Variants in GAS5 observed in about 807,000 individuals in gnomAD.
The protein encoded by GAS5 is growth arrest specific 5 (non-protein coding).
intron 6 of GAS5, chr1:173,864,489 TTAGGA>T (rs1263567682): frequency 2.0e-6 from 1 of 505,720 alleles, no homozygotes; most frequent in Non-Finnish European, 3.9e-6. Context: ...CTCACCTAGT[TTAGGA>T]TAACAGGTCT....
chr1:173,866,535 C>A, exon 3 of GAS5: 1 of 724,716 alleles, frequency 1.4e-6, no homozygotes. Context: ...CACCTGTGTG[C>A]CAATGGCTTG....
At chr1:173,864,404 TATC>T (rs746350711) in intron 6 of GAS5, 6 of 519,008 alleles carry the variant, frequency 1.2e-5, no homozygotes, top group Admixed American at 1.9e-5. Context: ...TTTACAGTGA[TATC>T]ATTATATTTC....
intron 6 of GAS5, chr1:173,865,317 T>TA (rs1486771636): frequency 6.3e-6 from 3 of 476,942 alleles, no homozygotes; most frequent in South Asian, 3.0e-5. Flanking sequence ...CAATAGGTAG[T>TA]AATAGGTGGA....
At chr1:173,864,737 C>T (rs1252179966) in intron 6 of GAS5, 3 of 500,560 alleles carry the variant, frequency 6.0e-6, no homozygotes, top group Admixed American at 4.2e-5. Flanking sequence ...AGTAAGACAA[C>T]TTGCATACAA....
chr1:173,864,806 C>G, intron 6 of GAS5: 5 of 518,838 alleles, frequency 9.6e-6, no homozygotes, highest in Non-Finnish European at 1.9e-5. Context: ...CTTTTCGGGG[C>G]ATAAACTAGA....
intron 7 of GAS5, chr1:173,863,960 C>CT (rs1654165865): frequency 2.5e-5 from 7 of 283,630 alleles, no homozygotes; most frequent in South Asian, 2.3e-4. Flanking sequence ...TGCCATGAGA[C>CT]TCCATCAGGC....
At chr1:173,867,537 G>C, upstream of GAS5, 2 of 423,892 alleles carry the variant, frequency 4.7e-6, no homozygotes, top group Non-Finnish European at 9.5e-6. Flanking sequence ...AACACTAATG[G>C]AAATATTGGT....
At chr1:173,864,426 G>GA (rs747862300) in intron 6 of GAS5, 2 of 518,858 alleles carry the variant, frequency 3.9e-6, no homozygotes, top group East Asian at 5.4e-5. Flanking sequence ...TCATTTGGCA[G>GA]AATCATTACA....
At chr1:173,867,792 C>G, upstream of GAS5, 1 of 518,944 alleles carries the variant, frequency 1.9e-6, no homozygotes, top group Non-Finnish European at 3.8e-6. Context: ...AACATAGTCG[C>G]AGCTTAGGTC....
intron 6 of GAS5, chr1:173,864,608 G>A (rs1368516652): frequency 2.6e-6 from 1 of 377,436 alleles, no homozygotes; most frequent in African/African-American, 2.1e-5. Flanking sequence ...CCCATCTACA[G>A]ATTAAGGTGT....
intron 6 of GAS5, chr1:173,864,616 T>C (rs1654270248): frequency 5.3e-6 from 2 of 378,284 alleles, no homozygotes; most frequent in African/African-American, 2.1e-5. Context: ...CAGATTAAGG[T>C]GTATATGCCA....
At chr1:173,868,741 T>C (rs1440670625), upstream of GAS5, 1 of 153,140 alleles carries the variant, frequency 6.5e-6, no homozygotes, top group Non-Finnish European at 1.5e-5. Flanking sequence ...GCCGCCCCCT[T>C]CCTAGTTCTC....
chr1:173,865,961 TGC>T (rs1327277406), intron 4 of GAS5: 1 of 519,116 alleles, frequency 1.9e-6, no homozygotes, highest in African/African-American at 1.9e-5. Context: ...AACTAACAAA[TGC>T]CTTTAGTCAG....
At chr1:173,866,155 A>G (rs986998749) in intron 4 of GAS5, 142 of 475,654 alleles carry the variant, frequency 3.0e-4, no homozygotes, top group Non-Finnish European at 6.3e-5. Flanking sequence ...TTACCTGCTT[A>G]CTTGGATACA....
At chr1:173,865,665 C>T (rs1654475263) in intron 5 of GAS5, 2 of 519,088 alleles carry the variant, frequency 3.9e-6, no homozygotes, top group Non-Finnish European at 7.7e-6. Context: ...TCAGGTCAGA[C>T]ATTTGATCAA....
intron 6 of GAS5, chr1:173,865,386 C>T (rs1557870321): frequency 1.9e-6 from 1 of 515,824 alleles, no homozygotes; most frequent in Admixed American, 2.0e-5. Context: ...TTTTCTTTCT[C>T]AGAGAGATTC....
chr1:173,864,849 A>G (rs369727329), intron 6 of GAS5: 1 of 519,090 alleles, frequency 1.9e-6, no homozygotes, highest in Non-Finnish European at 3.8e-6. Flanking sequence ...ATAGGAGCGA[A>G]AGACTTAATA....
intron 6 of GAS5, chr1:173,864,824 C>G (rs377039047): frequency 3.9e-6 from 2 of 518,896 alleles, no homozygotes; most frequent in Non-Finnish European, 7.7e-6. Context: ...AGAATGTTAC[C>G]GCCAGATACA....
At chr1:173,864,748 T>A in intron 6 of GAS5, 1 of 509,710 alleles carries the variant, frequency 2.0e-6, no homozygotes, top group Non-Finnish European at 3.9e-6. Context: ...TTGCATACAA[T>A]TAGGAGTAAT....
Sources: allele counts gnomAD v4.1 joint callset, GRCh38; gene constraint gnomAD v4.1.1; transcripts MANE v1.5; gene names NCBI Gene and HGNC (gene_info 2026-07-23, HGNC 2026-07-21).